Variants in FSTL5 observed in about 807,000 individuals in gnomAD.
FSTL5 encodes follistatin-related protein 5.
Under a neutral mutation model 89.1 loss-of-function variants are expected in FSTL5, and 62 were observed. The ratio of observed to expected loss-of-function variants is 0.70; its 90% CI spans 0.57 to 0.86. The LOEUF is 0.86. Ranked by LOEUF, FSTL5 falls within the 40% of genes least tolerant of loss-of-function variation. The pLI is 0.00. For synonymous variants in FSTL5, 383 were observed against 346.2 expected (o/e 1.11, Z -1.18); for missense variants, 1,057 against 1,001.6 (o/e 1.06, Z -0.75).
At chr4:161,619,761 C>T (rs1735044940) in intron 7 of FSTL5, among the ~76,000 whole-genome samples, 1 of 151,992 alleles carries the variant, frequency 6.6e-6, no homozygotes, top group East Asian at 1.9e-4. Flanking sequence ...CTAGTTCAAC[C>T]ATTGTGGAAG....
chr4:161,567,877 T>A (rs1400829767), intron 8 of FSTL5, among the ~76,000 whole-genome samples: 2 of 152,084 alleles, frequency 1.3e-5, no homozygotes, highest in Non-Finnish European at 2.9e-5. Context: ...TATTGCTAAC[T>A]TAATTTCTAA....
intron 3 of FSTL5, among the ~76,000 whole-genome samples, chr4:162,030,894 G>A (rs1324764757): frequency 6.6e-6 from 1 of 152,094 alleles, no homozygotes; most frequent in Non-Finnish European, 1.5e-5. Context: ...AATATTAGGG[G>A]TGAACTAATT....
intron 13 of FSTL5, among the ~76,000 whole-genome samples, chr4:161,474,213 C>T (rs563791203): frequency 2.6e-4 from 39 of 152,262 alleles, no homozygotes; most frequent in Admixed American, 3.9e-4. Context: ...ATAGAAAACT[C>T]TGCTCCTTTA....
At chr4:161,640,419 A>T (rs1478829709) in intron 7 of FSTL5, among the ~76,000 whole-genome samples, 2 of 152,176 alleles carry the variant, frequency 1.3e-5, no homozygotes, top group Non-Finnish European at 2.9e-5. Context: ...AGATGTGAAG[A>T]ACGTGAAGAA....
intron 10 of FSTL5, among the ~76,000 whole-genome samples, chr4:161,528,665 A>G (rs1731312429): frequency 7.0e-6 from 1 of 143,598 alleles, no homozygotes; most frequent in Non-Finnish European, 1.5e-5. Flanking sequence ...TTGCACATTT[A>G]TGCCATTATC....
At chr4:161,668,968 C>T (rs924021351) in intron 6 of FSTL5, among the ~76,000 whole-genome samples, 6 of 151,380 alleles carry the variant, frequency 4.0e-5, no homozygotes, top group Non-Finnish European at 7.4e-5. Flanking sequence ...AAAAATTAGC[C>T]GGGTGTGGTG....
intron 6 of FSTL5, among the ~76,000 whole-genome samples, chr4:161,661,941 C>G (rs974157524): frequency 2.6e-5 from 4 of 152,158 alleles, no homozygotes; most frequent in Admixed American, 2.6e-4. Flanking sequence ...GAGGAACTGC[C>G]CAGTCTATAT....
In FSTL5 at chr4:161,900,910, T is replaced by C. The variant is rs531037521; in HGVS notation, c.409+19494A>G. 9.2e-5 allele frequency among the ~76,000 whole-genome samples: 14 copies of C among 152,152 alleles called. No homozygotes were observed. The East Asian group carries it at 2.3e-3, about 25-fold the overall frequency. On this transcript the variant is annotated intron_variant, in intron 4 of 15. Transcript: ENST00000306100. ...TTAATAATGTATTTGTAAATATCAG[T>C]ACTGTTTAACTTTTTTCTTATTATT...
At chr4:161,490,757 A>G (rs1366118788) in intron 12 of FSTL5, among the ~76,000 whole-genome samples, 1 of 152,164 alleles carries the variant, frequency 6.6e-6, no homozygotes, top group African/African-American at 2.4e-5. Context: ...TTAATTTTTA[A>G]GCATTACTGT....
At chr4:161,756,249 T>A (rs1740564996) in intron 6 of FSTL5, among the ~76,000 whole-genome samples, 1 of 152,074 alleles carries the variant, frequency 6.6e-6, no homozygotes, top group African/African-American at 2.4e-5. Context: ...GTTTTGATTA[T>A]CTAAAAAGAA....
intron 3 of FSTL5, among the ~76,000 whole-genome samples, chr4:161,978,178 A>T (rs150410708): frequency 2.4e-4 from 37 of 152,286 alleles, no homozygotes; most frequent in African/African-American, 8.7e-4. Flanking sequence ...AATTTTCTAG[A>T]CCTAACATTA....
chr4:161,775,639 A>T (rs977526514), intron 5 of FSTL5, among the ~76,000 whole-genome samples: 1 of 152,108 alleles, frequency 6.6e-6, no homozygotes, highest in African/African-American at 2.4e-5. Flanking sequence ...TATTTAAGAT[A>T]TAGATATCTA....
chr4:161,977,662 A>ATAC (rs1735702320), intron 3 of FSTL5, among the ~76,000 whole-genome samples: 1 of 136,878 alleles, frequency 7.3e-6, no homozygotes, highest in African/African-American at 2.9e-5. Context: ...AATAATAATA[A>ATAC]TAATAAATTA....
At chr4:161,528,667 GC>G (rs1731312538) in intron 10 of FSTL5, among the ~76,000 whole-genome samples, 1 of 143,342 alleles carries the variant, frequency 7.0e-6, no homozygotes. Context: ...GCACATTTAT[GC>G]CATTATCTGA....
chr4:162,160,803 CAT>C, intron 1 of FSTL5, among the ~76,000 whole-genome samples: 1 of 150,108 alleles, frequency 6.7e-6, no homozygotes, highest in Middle Eastern at 3.4e-3. Flanking sequence ...TTCTATCGCC[CAT>C]GTTAGTAACT....
At chr4:161,809,546 T>C (rs182371493) in intron 4 of FSTL5, among the ~76,000 whole-genome samples, 1 of 152,330 alleles carries the variant, frequency 6.6e-6, no homozygotes, top group East Asian at 1.9e-4. Context: ...CCCACAGTTA[T>C]AGTAGCATTA....
chr4:162,058,423 CT>C (rs764578152), intron 2 of FSTL5, among the ~76,000 whole-genome samples: 222 of 112,084 alleles, frequency 2.0e-3, no homozygotes, highest in African/African-American at 5.4e-3. Flanking sequence ...ATAAATTCCT[CT>C]TTTTTTTTTT....
At chr4:161,487,797 T>C (rs897625689) in intron 12 of FSTL5, among the ~76,000 whole-genome samples, 1 of 152,080 alleles carries the variant, frequency 6.6e-6, no homozygotes, top group Non-Finnish European at 1.5e-5. Flanking sequence ...GGAGATATAA[T>C]GTTCAGTTTA....
intron 1 of FSTL5, among the ~76,000 whole-genome samples, chr4:162,155,351 C>G (rs1232987985): frequency 6.6e-6 from 1 of 152,076 alleles, no homozygotes; most frequent in Non-Finnish European, 1.5e-5. Context: ...CGCAAAGAAA[C>G]AAATCCAGCC....
Sources: gnomAD v4.1 joint callset for allele counts (sites outside exome capture counted in the v4.1 genomes callset) on GRCh38, gnomAD v4.1.1 for gene constraint, MANE v1.5 for transcripts, NCBI Gene and HGNC (gene_info 2026-07-23, HGNC 2026-07-21) for gene names.